The following FBXL7 variants were observed in gnomAD, a reference collection of about 807,000 sequenced individuals.
FBXL7 encodes F-box/LRR-repeat protein 7.
In FBXL7, 12 loss-of-function variants were observed where a neutral mutation model predicts 38.3. That is an observed-to-expected ratio of 0.31 (90% CI 0.20 to 0.51). FBXL7 has a LOEUF of 0.51. Ranked by LOEUF, FBXL7 falls within the 20% of genes least tolerant of loss-of-function variation. The pLI, the probability that FBXL7 is intolerant of heterozygous loss-of-function variation, is 0.98. For synonymous variants in FBXL7, 297 were observed against 300.9 expected, an observed-to-expected ratio of 0.99 and a Z score of 0.13; for missense variants, 567 against 676.4, an observed-to-expected ratio of 0.84 and a Z score of 1.79.
chr5:15,503,074 C>CAACCT (rs1443312254), intron 1 of FBXL7, among the ~76,000 whole-genome samples: 1 of 152,154 alleles, frequency 6.6e-6, no homozygotes, highest in Non-Finnish European at 1.5e-5. Context: ...CTGTGAACTG[C>CAACCT]AACCTAACTT....
At chr5:15,511,384 G>A (rs56269247) in intron 1 of FBXL7, among the ~76,000 whole-genome samples, 136 of 152,264 alleles carry the variant, frequency 8.9e-4, no homozygotes, top group Admixed American at 1.6e-3. Context: ...TGGTCTTTGC[G>A]CTGAAACAGC....
intron 1 of FBXL7, among the ~76,000 whole-genome samples, chr5:15,508,428 T>C (rs1360861092): frequency 1.3e-5 from 2 of 152,202 alleles, no homozygotes; most frequent in Non-Finnish European, 2.9e-5. Context: ...ATACATAAGT[T>C]ACAAGAAGTT....
At chr5:15,814,254 AG>A (rs1404540250) in intron 2 of FBXL7, among the ~76,000 whole-genome samples, 2 of 152,200 alleles carry the variant, frequency 1.3e-5, no homozygotes, top group East Asian at 3.9e-4. Context: ...GCCATAAAAA[AG>A]GATGAGTTCG....
At chr5:15,517,004 TA>T (rs1269601183) in intron 1 of FBXL7, among the ~76,000 whole-genome samples, 1 of 152,010 alleles carries the variant, frequency 6.6e-6, no homozygotes, top group Admixed American at 6.5e-5. Flanking sequence ...TTGGGTTTTT[TA>T]TTTTTTTATT....
Position 15,830,139 on chromosome 5 carries a change from A to G in FBXL7, c.128-97751A>G, listed in dbSNP as rs73058234. 5.0e-3 allele frequency among the ~76,000 whole-genome samples: 766 copies of G among 152,096 alleles called. 8 individuals are homozygous for G. The highest frequency in any genetic ancestry group is 0.017 in the African/African-American group (724 of 41,492). ...GCTCCCCAACCTCATCCCTTCCCCAAACCTGGGTCCTTCCAAGGTCTTGGA... is the reference window on the plus strand; with the variant it reads ...GCTCCCCAACCTCATCCCTTCCCCAGACCTGGGTCCTTCCAAGGTCTTGGA... On this transcript the variant is annotated intron_variant, in intron 2 of 3. Transcript: ENST00000504595.
intron 2 of FBXL7, among the ~76,000 whole-genome samples, chr5:15,652,854 C>T (rs2126572604): frequency 6.6e-6 from 1 of 152,180 alleles, no homozygotes; most frequent in East Asian, 1.9e-4. Context: ...AATAATTTAA[C>T]TGTATATTTA....
chr5:15,647,790 A>G (rs1007092735), intron 2 of FBXL7, among the ~76,000 whole-genome samples: 22 of 152,220 alleles, frequency 1.4e-4, no homozygotes, highest in African/African-American at 5.3e-4. Context: ...TGTCTTTACT[A>G]CAACTCAAGT....
intron 2 of FBXL7, among the ~76,000 whole-genome samples, chr5:15,697,460 A>G (rs1333295907): frequency 1.3e-5 from 2 of 152,144 alleles, no homozygotes; most frequent in Non-Finnish European, 2.9e-5. Context: ...TAGAGAGCAT[A>G]TGTAGAGTTT....
At chr5:15,662,149 A>G (rs944066245) in intron 2 of FBXL7, among the ~76,000 whole-genome samples, 22 of 152,204 alleles carry the variant, frequency 1.4e-4, no homozygotes. Context: ...CCAACAGTGT[A>G]TAAGTGTTCC....
chr5:15,631,141 T>C (rs1740983956), intron 2 of FBXL7, among the ~76,000 whole-genome samples: 1 of 152,204 alleles, frequency 6.6e-6, no homozygotes. Flanking sequence ...CAACAGGGTT[T>C]TAATGTTGAA....
intron 2 of FBXL7, among the ~76,000 whole-genome samples, chr5:15,636,095 A>G (rs948195797): frequency 6.8e-6 from 1 of 146,748 alleles, no homozygotes; most frequent in Admixed American, 6.7e-5. Context: ...TTGGCTTTGT[A>G]TATCTGTTTT....
intron 2 of FBXL7, among the ~76,000 whole-genome samples, chr5:15,853,859 T>G (rs998738500): frequency 6.6e-6 from 1 of 152,220 alleles, no homozygotes; most frequent in Non-Finnish European, 1.5e-5. Flanking sequence ...TTGTGGAGTT[T>G]GAATTTGTTC....
chr5:15,538,205 A>G (rs765024885), intron 1 of FBXL7, among the ~76,000 whole-genome samples: 1 of 152,180 alleles, frequency 6.6e-6, no homozygotes, highest in Non-Finnish European at 1.5e-5. Context: ...CTGCTTATTC[A>G]GTATGCCAGC....
chr5:15,778,687 GA>G (rs1345461667), intron 2 of FBXL7, among the ~76,000 whole-genome samples: 1 of 152,020 alleles, frequency 6.6e-6, no homozygotes, highest in Non-Finnish European at 1.5e-5. Context: ...ATCAGTCCAA[GA>G]AGGATCTTTA....
At chr5:15,520,781 C>T (rs1737074448) in intron 1 of FBXL7, among the ~76,000 whole-genome samples, 1 of 152,158 alleles carries the variant, frequency 6.6e-6, no homozygotes, top group Non-Finnish European at 1.5e-5. Flanking sequence ...GAAAGAAATA[C>T]AATATCCTTC....
chr5:15,574,073 A>G (rs1270404201), intron 1 of FBXL7, among the ~76,000 whole-genome samples: 1 of 152,208 alleles, frequency 6.6e-6, no homozygotes, highest in Non-Finnish European at 1.5e-5. Context: ...GTCCTTTGGT[A>G]GCTTTCTATT....
At chr5:15,508,871 C>A (rs904963058) in intron 1 of FBXL7, among the ~76,000 whole-genome samples, 1 of 151,810 alleles carries the variant, frequency 6.6e-6, no homozygotes, top group African/African-American at 2.4e-5. Flanking sequence ...ATTTCTTTGC[C>A]TTTGGTGGGA....
At chr5:15,891,156 A>C (rs1740887827) in intron 2 of FBXL7, among the ~76,000 whole-genome samples, 1 of 152,334 alleles carries the variant, frequency 6.6e-6, no homozygotes, top group East Asian at 1.9e-4. Flanking sequence ...AAACCATTTA[A>C]TTCATCACTT....
At chr5:15,923,459 G>A (rs2126450025) in intron 2 of FBXL7, among the ~76,000 whole-genome samples, 1 of 152,150 alleles carries the variant, frequency 6.6e-6, no homozygotes, top group South Asian at 2.1e-4. Context: ...AAAACACATT[G>A]TATGACAAGC....
Sources: gnomAD v4.1 joint callset for allele counts (sites outside exome capture counted in the v4.1 genomes callset) on GRCh38, gnomAD v4.1.1 for gene constraint, MANE v1.5 for transcripts, NCBI Gene and HGNC (gene_info 2026-07-23, HGNC 2026-07-21) for gene names.